FTCDNL1: variants seen among roughly 807,000 people sequenced by gnomAD.
The protein encoded by FTCDNL1 is formiminotransferase cyclodeaminase N-terminal like.
FTCDNL1 carries 11 observed loss-of-function variants against 5.9 expected under a neutral mutation model. That is an observed-to-expected ratio of 1.87 (90% CI 1.18 to 3.10). The LOEUF (loss-of-function observed/expected upper bound fraction) is 3.10. Ranked by LOEUF, FTCDNL1 falls within the 30% of genes most tolerant of loss-of-function variation. The pLI, the probability that FTCDNL1 is intolerant of heterozygous loss-of-function variation, is 0.00. For missense variants in FTCDNL1, 115 were observed against 65.5 expected, an observed-to-expected ratio of 1.76 and a Z score of -2.61; for synonymous variants, 58 against 24.8, an observed-to-expected ratio of 2.34 and a Z score of -3.99.
chr2:199,691,683 T>C, the FTCDNL1 span, among the ~76,000 whole-genome samples: 1 of 152,222 alleles, frequency 6.6e-6, no homozygotes, highest in Admixed American at 6.5e-5. Context: ...TTGTATACTC[T>C]ACTTTCATCA....
chr2:199,803,656 G>A (rs1280487106), intron 3 of FTCDNL1, among the ~76,000 whole-genome samples: 1 of 152,092 alleles, frequency 6.6e-6, no homozygotes, highest in Non-Finnish European at 1.5e-5. Flanking sequence ...TAGAGACAAA[G>A]GCTCACTATG....
At chr2:199,701,217 C>T in the FTCDNL1 span, among the ~76,000 whole-genome samples, 9 of 149,216 alleles carry the variant, frequency 6.0e-5, no homozygotes, top group South Asian at 2.1e-4. Context: ...TGCTCAACGT[C>T]GCTAATCATT....
At chr2:199,708,272 A>C in the FTCDNL1 span, among the ~76,000 whole-genome samples, 7 of 152,072 alleles carry the variant, frequency 4.6e-5, no homozygotes, top group African/African-American at 1.7e-4. Flanking sequence ...GAAGTTCCAC[A>C]TGATTACTTT....
the FTCDNL1 span, among the ~76,000 whole-genome samples, chr2:199,755,044 C>G: frequency 4.1e-4 from 62 of 152,304 alleles, no homozygotes; most frequent in South Asian, 4.1e-3. Flanking sequence ...ACGAGCCCCA[C>G]AACTAACTTC....
intron 3 of FTCDNL1, among the ~76,000 whole-genome samples, chr2:199,785,112 T>A (rs952447560): frequency 6.6e-6 from 1 of 152,292 alleles, no homozygotes; most frequent in South Asian, 2.1e-4. Context: ...TAACTTGAGT[T>A]ATCTGTTCTG....
chr2:199,768,322 C>T (rs1371931610), intron 3 of FTCDNL1, among the ~76,000 whole-genome samples: 3 of 138,802 alleles, frequency 2.2e-5, no homozygotes, highest in Non-Finnish European at 4.9e-5. Context: ...TATAAGAACA[C>T]CACATATTCC....
chr2:199,689,545 A>G, the FTCDNL1 span, among the ~76,000 whole-genome samples: 1 of 152,186 alleles, frequency 6.6e-6, no homozygotes, highest in African/African-American at 2.4e-5. Context: ...CTACAGAAAC[A>G]GCCTTCTCAT....
chr2:199,742,856 A>G, the FTCDNL1 span, among the ~76,000 whole-genome samples: 1 of 152,236 alleles, frequency 6.6e-6, no homozygotes, highest in African/African-American at 2.4e-5. Flanking sequence ...AGGAGGAGGA[A>G]GAATTATGCT....
chr2:199,720,092 A>G, the FTCDNL1 span, among the ~76,000 whole-genome samples: 1 of 152,052 alleles, frequency 6.6e-6, no homozygotes, highest in East Asian at 1.9e-4. Flanking sequence ...AATGCTATTG[A>G]TTTCTGTACA....
downstream of FTCDNL1, among the ~76,000 whole-genome samples, chr2:199,756,963 T>G (rs578177938): frequency 2.0e-5 from 3 of 152,260 alleles, no homozygotes; most frequent in African/African-American, 7.2e-5. Flanking sequence ...CTGCCCACAT[T>G]ATATTGGCCA....
At chr2:199,753,027 C>G in the FTCDNL1 span, among the ~76,000 whole-genome samples, 1 of 152,100 alleles carries the variant, frequency 6.6e-6, no homozygotes, top group Non-Finnish European at 1.5e-5. Flanking sequence ...AGACTTTCAT[C>G]CTCCAGCAGT....
chr2:199,823,539 G>A (rs1347602641), intron 3 of FTCDNL1, among the ~76,000 whole-genome samples: 1 of 152,212 alleles, frequency 6.6e-6, no homozygotes, highest in Non-Finnish European at 1.5e-5. Context: ...TGTGTTAGCA[G>A]GCATGAAAAC....
At chr2:199,835,868 C>T (rs1391732958) in intron 3 of FTCDNL1, among the ~76,000 whole-genome samples, 2 of 152,142 alleles carry the variant, frequency 1.3e-5, no homozygotes, top group African/African-American at 2.4e-5. Context: ...ACCTAAAACC[C>T]CTCAACTTTG....
the FTCDNL1 span, among the ~76,000 whole-genome samples, chr2:199,718,663 C>T: frequency 1.3e-5 from 2 of 152,138 alleles, no homozygotes; most frequent in Non-Finnish European, 2.9e-5. Flanking sequence ...TTACAATCCC[C>T]ACTAACAGTG....
downstream of FTCDNL1, among the ~76,000 whole-genome samples, chr2:199,759,277 C>A (rs1039925324): frequency 1.3e-5 from 2 of 150,386 alleles, no homozygotes; most frequent in Non-Finnish European, 3.0e-5. Flanking sequence ...AAAACTATGG[C>A]TTTTTCCTTA....
chr2:199,699,817 G>C, the FTCDNL1 span, among the ~76,000 whole-genome samples: 3 of 152,174 alleles, frequency 2.0e-5, no homozygotes, highest in Non-Finnish European at 2.9e-5. Context: ...CATCTCAATA[G>C]ATGCAGAAAA....
the FTCDNL1 span, among the ~76,000 whole-genome samples, chr2:199,737,397 G>A: frequency 6.6e-6 from 1 of 152,050 alleles, no homozygotes; most frequent in African/African-American, 2.4e-5. Flanking sequence ...GATTGCCTTG[G>A]ATACTTTTGA....
chr2:199,836,071 A>G (rs1395668800), intron 3 of FTCDNL1, among the ~76,000 whole-genome samples: 2 of 152,232 alleles, frequency 1.3e-5, no homozygotes, highest in Non-Finnish European at 2.9e-5. Context: ...CAAGAAGTGT[A>G]TAGTCAGGCA....
the FTCDNL1 span, among the ~76,000 whole-genome samples, chr2:199,707,075 A>G: frequency 1.3e-5 from 2 of 152,196 alleles, no homozygotes; most frequent in African/African-American, 4.8e-5. Flanking sequence ...AGACGTTATC[A>G]CTTATATATA....
Sources: gnomAD v4.1 joint callset for allele counts (sites outside exome capture counted in the v4.1 genomes callset) on GRCh38, gnomAD v4.1.1 for gene constraint, MANE v1.5 for transcripts, NCBI Gene and HGNC (gene_info 2026-07-23, HGNC 2026-07-21) for gene names.